The following PALLD variants were observed in gnomAD, a reference collection of about 807,000 sequenced individuals.
PALLD encodes the protein palladin, cytoskeletal associated protein, also known as palladin.
PALLD carries 61 observed loss-of-function variants against 123.5 expected under a neutral mutation model. The ratio of observed to expected loss-of-function variants is 0.49; its 90% CI spans 0.40 to 0.61. The LOEUF (loss-of-function observed/expected upper bound fraction) is 0.61, where lower values mean the gene tolerates loss of function less well. PALLD is among the 20% of genes least tolerant of loss of function. The probability of loss-of-function intolerance (pLI) is 0.00; values close to 1 mark genes in which losing one functional copy is unlikely to be tolerated. For synonymous variants in PALLD, 465 were observed against 496.4 expected (o/e 0.94, Z 0.84); for missense variants, 1,273 against 1,377.0 (o/e 0.92, Z 1.20).
At chr4:168,757,809 C>T (rs1732102752) in intron 10 of PALLD, among the ~76,000 whole-genome samples, 1 of 152,202 alleles carries the variant, frequency 6.6e-6, no homozygotes, top group Admixed American at 6.5e-5. Context: ...GGGTGGCTCA[C>T]GCCTATAATC....
Position 168,836,699 on chromosome 4 carries a change from C to T in PALLD, c.1965-54223C>T, listed in dbSNP as rs960726919. On this transcript the variant is annotated intron_variant, in intron 10 of 21. Transcript: ENST00000505667. ...GCTTGGCGTTGACGTCTATGACATT[C>T]GGATGCCTTTGTGAGGCTGTCAAAC... 3.9e-5 allele frequency among the ~76,000 whole-genome samples: 6 copies of T among 152,292 alleles called. No individual in the cohort carries two copies. The South Asian group carries it at 6.2e-4, about 16-fold the overall frequency.
intron 2 of PALLD, among the ~76,000 whole-genome samples, chr4:168,637,047 A>G (rs1282090410): frequency 6.6e-6 from 1 of 152,238 alleles, no homozygotes; most frequent in Admixed American, 6.5e-5. Flanking sequence ...TAAGTGACTC[A>G]GTAATGATCT....
intron 10 of PALLD, among the ~76,000 whole-genome samples, chr4:168,736,651 G>A (rs1395781608): frequency 1.3e-5 from 2 of 152,166 alleles, no homozygotes; most frequent in African/African-American, 2.4e-5. Context: ...CTTGCAGAAG[G>A]CCCTAGGTGC....
chr4:168,497,074 G>A lies in PALLD; in HGVS notation c.-203G>A, dbSNP rs556388386. 13 of 152,120 alleles carry A rather than the reference G, an allele frequency of 8.5e-5. No homozygotes were observed. The highest frequency in any genetic ancestry group is 7.9e-4 in the Admixed American group (12 of 15,282). The allele number at this position is 152,120 out of a possible 1,614,324, so 9.4% of individuals were successfully genotyped here. ...GCCACAGTTGCCTCAAAGTGACCAC[G>A]GACCAGGCAGTCTCTAATGAATAGG... On this transcript the variant is annotated 5_prime_UTR_variant, in exon 1 of 22. Coordinates refer to ENST00000505667, the MANE Select transcript of PALLD (RefSeq NM_001166108.2).
chr4:168,646,383 CCCAGACTGGG>C (rs1300438201), intron 2 of PALLD, among the ~76,000 whole-genome samples: 1 of 152,190 alleles, frequency 6.6e-6, no homozygotes, highest in South Asian at 2.1e-4. Context: ...GGACTCCAGT[CCCAGACTGGG>C]CCAAGCTCGG....
At chr4:168,840,919 C>T (rs756079558) in intron 10 of PALLD, among the ~76,000 whole-genome samples, 1 of 152,030 alleles carries the variant, frequency 6.6e-6, no homozygotes, top group Non-Finnish European at 1.5e-5. Flanking sequence ...GGTGTAATCT[C>T]GGCTCACTGC....
chr4:168,578,553 A>G (rs1420640322), intron 2 of PALLD, among the ~76,000 whole-genome samples: 1 of 152,116 alleles, frequency 6.6e-6, no homozygotes, highest in African/African-American at 2.4e-5. Flanking sequence ...GCTGAATGTG[A>G]GTCAACTAAA....
intron 2 of PALLD, among the ~76,000 whole-genome samples, chr4:168,620,222 C>T: frequency 6.6e-6 from 1 of 152,160 alleles, no homozygotes; most frequent in East Asian, 1.9e-4. Context: ...TTTGGGAGGC[C>T]AAGGCAGGTG....
chr4:168,851,041 T>C (rs1054180335), intron 10 of PALLD, among the ~76,000 whole-genome samples: 2 of 152,038 alleles, frequency 1.3e-5, no homozygotes, highest in Non-Finnish European at 2.9e-5. Flanking sequence ...GTGGGTGCCG[T>C]CTCCCAGGCC....
intron 2 of PALLD, among the ~76,000 whole-genome samples, chr4:168,565,822 T>C (rs1310515665): frequency 6.6e-6 from 1 of 152,186 alleles, no homozygotes; most frequent in African/African-American, 2.4e-5. Flanking sequence ...CTGTCATAAT[T>C]GAAAAGCTGA....
intron 17 of PALLD, among the ~76,000 whole-genome samples, chr4:168,919,723 TG>T (rs1761041198): frequency 6.6e-6 from 1 of 152,152 alleles, no homozygotes; most frequent in Admixed American, 6.5e-5. Context: ...TATCCTTAAC[TG>T]GTACTAAATT....
rs1158226096 is a variant in PALLD at position 168,703,462 on chromosome 4, T to G, written c.1502-5566T>G. On this transcript the variant is annotated intron_variant, in intron 8 of 21. Coordinates refer to ENST00000505667, the MANE Select transcript of PALLD (RefSeq NM_001166108.2). ...CTGGGTCAAATGATATTTCCAGTTC[T>G]AGATCCCTGAGGAATCGCCACACTG... Among the ~76,000 whole-genome samples, 12 of 123,562 alleles carry G rather than the reference T, an allele frequency of 9.7e-5. 1 individual carries two copies. The highest frequency in any genetic ancestry group is 1.6e-4 in the Non-Finnish European group (10 of 63,052). The allele number at this position is 123,562 out of a possible 152,430, so 81.1% of individuals were successfully genotyped here. A position where few individuals can be genotyped will look rare whatever the true frequency, so the allele number is the denominator to read the frequency against.
intron 2 of PALLD, among the ~76,000 whole-genome samples, chr4:168,520,646 A>ATCAGT (rs1763475141): frequency 6.6e-6 from 1 of 152,050 alleles, no homozygotes; most frequent in South Asian, 2.1e-4. Flanking sequence ...AATAATTCAG[A>ATCAGT]ATCCAGCAAG....
At chr4:168,591,747 G>A (rs953409730) in intron 2 of PALLD, among the ~76,000 whole-genome samples, 4 of 152,092 alleles carry the variant, frequency 2.6e-5, no homozygotes, top group African/African-American at 9.7e-5. Context: ...TTCCTGGCCT[G>A]AGATGTCATT....
Position 168,926,398 on chromosome 4 carries a change from G to A in PALLD, c.*218G>A, listed in dbSNP as rs1020700393. ...TGAGGACCTGTAATCCAGCATTCTT[G>A]TTAAAGCTGAAACACTGAAACAGCC... On this transcript the variant is annotated 3_prime_UTR_variant, in exon 22 of 22. Coordinates refer to ENST00000505667, the MANE Select transcript of PALLD (RefSeq NM_001166108.2). 30 of 1,532,816 alleles carry A rather than the reference G, an allele frequency of 2.0e-5. No individual in the cohort carries two copies. The African/African-American group carries it at 2.6e-4, about 13-fold the overall frequency. 95.0% of individuals were successfully genotyped at this position (1,532,816 alleles called of 1,614,324 possible). A position where few individuals can be genotyped will look rare whatever the true frequency, so the allele number is the denominator to read the frequency against.
At chr4:168,576,372 C>T (rs1259278798) in intron 2 of PALLD, among the ~76,000 whole-genome samples, 8 of 152,078 alleles carry the variant, frequency 5.3e-5, no homozygotes, top group Non-Finnish European at 7.4e-5. Context: ...TCTCCAAATG[C>T]TATCCGTCCC....
chr4:168,839,920 C>T (rs1745798585), intron 10 of PALLD, among the ~76,000 whole-genome samples: 1 of 152,132 alleles, frequency 6.6e-6, no homozygotes. Flanking sequence ...TTTGACTAGG[C>T]TCTGCTATAG....
At position 168,709,106 on chromosome 4, in the gene PALLD, A is replaced by G. The variant is rs1177739089; in HGVS notation, c.1580A>G (p.Tyr527Cys). ...GIFTCSARND[Y>C]GSATSTAQLV... ...TTTACATGTTCAGCAAGAAATGATT[A>G]TGGATCAGCAACCAGCACTGCCCAG... The change falls in exon 9 of 22, where the codon TAT (tyrosine) becomes TGT (cysteine). Residue 527 changes from tyrosine (Y) to cysteine (C), a missense_variant. Coordinates refer to ENST00000505667, the MANE Select transcript of PALLD (RefSeq NM_001166108.2). The G allele has an allele frequency of 3.1e-6, 5 of 1,613,900 alleles. No homozygotes were observed. The highest frequency in any genetic ancestry group is 1.3e-5 in the African/African-American group (1 of 75,014).
At chr4:168,814,296 C>A (rs908828822) in intron 10 of PALLD, among the ~76,000 whole-genome samples, 4 of 152,180 alleles carry the variant, frequency 2.6e-5, no homozygotes, top group African/African-American at 9.7e-5. Context: ...TATTTGAAAT[C>A]ATTTCAATCT....
Sources: allele counts gnomAD v4.1 joint callset (sites outside exome capture counted in the v4.1 genomes callset), GRCh38; gene constraint gnomAD v4.1.1; transcripts MANE v1.5; gene names NCBI Gene and HGNC (gene_info 2026-07-23, HGNC 2026-07-21).